IQSEC1: variants seen among roughly 807,000 people sequenced by gnomAD.
The protein encoded by IQSEC1 is IQ motif and Sec7 domain ArfGEF 1.
Under a neutral mutation model 91.0 loss-of-function variants are expected in IQSEC1, and 31 were observed. That is an observed-to-expected ratio of 0.34 (90% confidence interval 0.26 to 0.46). IQSEC1 has a LOEUF of 0.46. IQSEC1 is among the 20% of genes least tolerant of loss of function. The pLI is 1.00. For missense variants in IQSEC1, 1,388 were observed against 1,575.6 expected (o/e 0.88, Z 2.02); for synonymous variants, 699 against 662.6 (o/e 1.05, Z -0.84).
At chr3:13,080,569 G>C (rs1705632469) in intron 2 of IQSEC1, among the ~76,000 whole-genome samples, 1 of 151,946 alleles carries the variant, frequency 6.6e-6, no homozygotes. Context: ...GAGTGTGAGG[G>C]GTGAAGAGAG....
chr3:12,915,214 T>C, intron 7 of IQSEC1, 81 bp from the exon 8 acceptor site: 1 of 1,424,940 alleles, frequency 7.0e-7, no homozygotes, highest in Non-Finnish European at 9.7e-7. Context: ...TGCCCCTCCC[T>C]ACACCTACCC....
chr3:13,215,884 A>C (rs993910457), intron 1 of IQSEC1, among the ~76,000 whole-genome samples: 1 of 152,196 alleles, frequency 6.6e-6, no homozygotes, highest in African/African-American at 2.4e-5. Flanking sequence ...TCTGCTGTGG[A>C]GCTCACAGAA....
chr3:12,984,438 T>C (rs1407004158), intron 1 of IQSEC1, among the ~76,000 whole-genome samples: 1 of 152,240 alleles, frequency 6.6e-6, no homozygotes, highest in Non-Finnish European at 1.5e-5. Context: ...CAGTTGTTCC[T>C]CTGCCAACTG....
chr3:12,920,328 C>T, intron 6 of IQSEC1, 102 bp downstream of exon 6: 1 of 1,197,414 alleles, frequency 8.4e-7, no homozygotes, highest in Non-Finnish European at 1.2e-6. Flanking sequence ...AGCACAGCTC[C>T]CCAACTGGAG....
intron 1 of IQSEC1, among the ~76,000 whole-genome samples, chr3:13,221,539 G>A (rs546607990): frequency 6.2e-4 from 73 of 118,068 alleles, no homozygotes; most frequent in Admixed American, 2.0e-3. Flanking sequence ...GCCCCTGCCC[G>A]CCCACCCCAG....
At chr3:13,170,547 A>G (rs1693586893) in intron 1 of IQSEC1, among the ~76,000 whole-genome samples, 1 of 152,216 alleles carries the variant, frequency 6.6e-6, no homozygotes, top group Admixed American at 6.5e-5. Flanking sequence ...CCAGCCAGTG[A>G]AAGCAGCCGG....
chr3:13,131,671 G>C (rs1052268953), intron 2 of IQSEC1, among the ~76,000 whole-genome samples: 1 of 151,980 alleles, frequency 6.6e-6, no homozygotes, highest in Non-Finnish European at 1.5e-5. Context: ...ATTTTTAGTA[G>C]AGACATGGTT....
chr3:13,084,883 G>C (rs1705709684), intron 2 of IQSEC1, among the ~76,000 whole-genome samples: 1 of 151,928 alleles, frequency 6.6e-6, no homozygotes, highest in African/African-American at 2.4e-5. Flanking sequence ...AAGTGATAAG[G>C]GCAGCCTGGG....
chr3:13,172,205 G>A (rs575624418), intron 1 of IQSEC1, among the ~76,000 whole-genome samples: 7 of 152,192 alleles, frequency 4.6e-5, no homozygotes, highest in South Asian at 2.1e-4. Context: ...CAAGTCCTCC[G>A]GGCACAGCAA....
At chr3:13,057,643 A>G (rs528683536) in intron 1 of IQSEC1, among the ~76,000 whole-genome samples, 24 of 152,130 alleles carry the variant, frequency 1.6e-4, no homozygotes, top group Non-Finnish European at 2.6e-4. Flanking sequence ...GGGTCACACA[A>G]TGAGCAAGGA....
intron 1 of IQSEC1, among the ~76,000 whole-genome samples, chr3:13,217,665 C>G (rs1694576289): frequency 6.6e-6 from 1 of 152,176 alleles, no homozygotes; most frequent in African/African-American, 2.4e-5. Flanking sequence ...TGTGCCATGT[C>G]CCTATAAACT....
At chr3:13,244,000 T>C (rs992035726) in intron 1 of IQSEC1, among the ~76,000 whole-genome samples, 1 of 152,206 alleles carries the variant, frequency 6.6e-6, no homozygotes, top group Admixed American at 6.5e-5. Flanking sequence ...GCCCTTTCAT[T>C]TGCTTGACAC....
rs377338946 is a variant in IQSEC1 at position 12,926,127 on chromosome 3, A to G, written c.1569-1385T>C. 5.3e-5 allele frequency among the ~76,000 whole-genome samples: 8 copies of G among 152,222 alleles called. No individual in the cohort carries two copies. The East Asian group carries it at 1.2e-3, about 22-fold the overall frequency. On this transcript the variant is annotated intron_variant, in intron 3 of 13. Coordinates refer to ENST00000613206, the MANE Select transcript of IQSEC1 (RefSeq NM_001134382.3). ...GGAGTTCCAGACCAGCCTGGACAAC[A>G]TGGTGAAACCCCATCTCTACTAAAA...
rs552578152 is a variant in IQSEC1 at position 12,950,145 on chromosome 3, C to T, written c.24-8280G>A. ...CCTGTCAAGAAAGCACTGCTCTTCC[C>T]ATTCTCCATATGAGAAAATGGAGGC... On this transcript the variant is annotated intron_variant, in intron 1 of 13. Transcript: ENST00000613206. Among the ~76,000 whole-genome samples the T allele has an allele frequency of 7.2e-5, 11 of 152,348 alleles. 1 individual carries two copies. Among genetic ancestry groups the T allele is most frequent in the African/African-American group, 2.4e-4 (10 of 41,580 alleles).
At chr3:12,903,489 A>AC (rs1022233595) in intron 12 of IQSEC1, among the ~76,000 whole-genome samples, 5 of 151,064 alleles carry the variant, frequency 3.3e-5, no homozygotes, top group African/African-American at 1.2e-4. Context: ...GCTTGGTACC[A>AC]CCCCCCAAAG....
intron 1 of IQSEC1, among the ~76,000 whole-genome samples, chr3:13,013,551 T>C (rs184340845): frequency 6.9e-4 from 105 of 152,324 alleles, no homozygotes; most frequent in African/African-American, 2.4e-3. Context: ...TGTTTTCTAA[T>C]AGGTGACATG....
In IQSEC1 at chr3:13,259,207, G is replaced by C. The variant is rs34662761; in HGVS notation, c.272+23504C>G. 1.3e-5 allele frequency among the ~76,000 whole-genome samples: 2 copies of C among 152,158 alleles called. No individual in the cohort carries two copies. The highest frequency in any genetic ancestry group is 1.5e-5 in the Non-Finnish European group (1 of 67,982). On this transcript the variant is annotated intron_variant, in intron 1 of 15. Coordinates refer to the IQSEC1 transcript ENST00000648114. This position sits in a 1 kb window ranked among gnomAD's most constrained non-coding sequence, Gnocchi z 4.6. The stretch of plus-strand genomic sequence containing the variant: ...CCCTCTGCCATGCAGGCCCTGGGAC[G>C]GGACAGTTTCCACTGGAGCAGGACC...
At chr3:13,226,259 T>C (rs1694752175) in intron 1 of IQSEC1, among the ~76,000 whole-genome samples, 1 of 152,192 alleles carries the variant, frequency 6.6e-6, no homozygotes, top group African/African-American at 2.4e-5. Context: ...CTGCCTGGAT[T>C]TGAATCCCAA....
chr3:12,997,982 G>A (rs911015869), intron 1 of IQSEC1, among the ~76,000 whole-genome samples: 1 of 152,206 alleles, frequency 6.6e-6, no homozygotes, highest in African/African-American at 2.4e-5. Context: ...GTCCACCAGT[G>A]AGGGATTTGT....
Sources: allele counts gnomAD v4.1 joint callset (sites outside exome capture counted in the v4.1 genomes callset), GRCh38; gene constraint gnomAD v4.1.1; non-coding constraint Gnocchi (gnomAD v3.1); transcripts MANE v1.5; gene names NCBI Gene and HGNC (gene_info 2026-07-23, HGNC 2026-07-21).